Variants in NDRG4 observed in about 807,000 individuals in gnomAD.
The protein encoded by NDRG4 is protein NDRG4.
Under a neutral mutation model 55.8 loss-of-function variants are expected in NDRG4, and 38 were observed. The ratio of observed to expected loss-of-function variants is 0.68; its 90% CI spans 0.53 to 0.89. The LOEUF is 0.89. NDRG4 is among the 40% of genes least tolerant of loss of function. The pLI is 0.00. For missense variants in NDRG4, 455 were observed against 468.6 expected, an observed-to-expected ratio of 0.97 and a Z score of 0.27; for synonymous variants, 190 against 182.7, an observed-to-expected ratio of 1.04 and a Z score of -0.32.
chr16:58,508,370 G>A (rs1329344194), intron 10 of NDRG4, among the ~76,000 whole-genome samples: 1 of 152,152 alleles, frequency 6.6e-6, no homozygotes, highest in East Asian at 1.9e-4. Context: ...ACAGCGGCAC[G>A]GTCTCCCTTT....
At chr16:58,499,976 AAGG>A, upstream of NDRG4, 1 of 718,856 alleles carries the variant, frequency 1.4e-6, no homozygotes, top group South Asian at 1.9e-5. Context: ...GGGCTGGGGC[AAGG>A]AGGACTTCAG....
intron 1 of NDRG4, among the ~76,000 whole-genome samples, chr16:58,466,314 C>T (rs1239194825): frequency 3.9e-5 from 6 of 152,238 alleles, no homozygotes; most frequent in Middle Eastern, 3.2e-3. Flanking sequence ...CCGCACCCAG[C>T]CCCCACCATG....
rs1324984357 is a variant in NDRG4 at position 58,464,255 on chromosome 16, A to AG, written c.-24+464dup. 6.7e-5 allele frequency: 31 copies of AG among 460,974 alleles called. No individual in the cohort carries two copies. The South Asian group carries it at 1.9e-3, about 28-fold the overall frequency. The allele number at this position is 460,974 out of a possible 1,614,324, so 28.6% of individuals were successfully genotyped here. ...GGTGGATTTTTTTAAACCGTTTTGG[A>AG]GGGGGGAGCGCGGCGTTGGGGGCGG... On this transcript the variant is annotated intron_variant, in intron 1 of 15. Transcript: ENST00000258187. This position sits in a 1 kb window ranked among gnomAD's most constrained non-coding sequence, Gnocchi z 4.8.
chr16:58,506,374 CCT>C lies in NDRG4; in HGVS notation c.373-10_373-9del. ...CCTGGCCCCGCCCGGCCCTGTTTCCCCTCTTACTGCAGCTCATCTTCCCCGAC... is the reference window on the plus strand; with the variant it reads ...CCTGGCCCCGCCCGGCCCTGTTTCCCCTTACTGCAGCTCATCTTCCCCGAC... On this transcript the variant is annotated splice_polypyrimidine_tract_variant and intron_variant, in intron 5 of 14. Transcript: ENST00000570248. 2 of 1,613,652 alleles carry C rather than the reference CCT, an allele frequency of 1.2e-6. No homozygotes were observed. Among genetic ancestry groups the C allele is most frequent in the Non-Finnish European group, 8.5e-7 (1 of 1,179,806 alleles).
At chr16:58,507,434 C>G in intron 8 of NDRG4, 1 of 359,022 alleles carries the variant, frequency 2.8e-6, no homozygotes, top group Non-Finnish European at 5.1e-6. Context: ...CCCTCACTCA[C>G]GTGCCCTCCT....
chr16:58,477,104 C>T (rs1210830681), intron 1 of NDRG4, among the ~76,000 whole-genome samples: 7 of 150,740 alleles, frequency 4.6e-5, no homozygotes, highest in Non-Finnish European at 1.0e-4. Flanking sequence ...GTATAAATTC[C>T]AGATTCCATA....
At chr16:58,507,608 G>T in intron 8 of NDRG4, 200 bp from the exon 9 acceptor site, 1 of 585,826 alleles carries the variant, frequency 1.7e-6, no homozygotes, top group Non-Finnish European at 3.0e-6. Flanking sequence ...TGGCTCTGAG[G>T]GGGATAGAGA....
downstream of NDRG4, among the ~76,000 whole-genome samples, chr16:58,513,962 T>C (rs1364329320): frequency 2.0e-5 from 3 of 151,650 alleles, no homozygotes; most frequent in Non-Finnish European, 4.4e-5. Flanking sequence ...TGCCTCAAAA[T>C]AAAACAAAAA....
At chr16:58,470,748 A>T (rs1432535266) in intron 1 of NDRG4, among the ~76,000 whole-genome samples, 1 of 152,088 alleles carries the variant, frequency 6.6e-6, no homozygotes, top group African/African-American at 2.4e-5. Context: ...CTCTGCTAAA[A>T]ATACAAAAAT....
Position 58,464,958 on chromosome 16 carries a change from A to G in NDRG4, c.-24+1161A>G. On this transcript the variant is annotated intron_variant, in intron 1 of 15. Transcript: ENST00000258187. This position sits in a 1 kb window ranked among gnomAD's most constrained non-coding sequence, Gnocchi z 4.8. ...TGGGAAGCCAGATTGGACCCTACTG[A>G]CTGGGGACCCTCAGCCTTGGGGCTC... The G allele has an allele frequency of 8.4e-7, 1 of 1,192,362 alleles. No homozygotes were observed. Among genetic ancestry groups the G allele is most frequent in the African/African-American group, 1.6e-5 (1 of 62,698 alleles). 73.9% of individuals were successfully genotyped at this position (1,192,362 alleles called of 1,614,324 possible).
At chr16:58,473,729 C>T (rs2033197229) in intron 1 of NDRG4, among the ~76,000 whole-genome samples, 1 of 152,166 alleles carries the variant, frequency 6.6e-6, no homozygotes, top group Non-Finnish European at 1.5e-5. Flanking sequence ...TGCACTCCCG[C>T]TGTGTGGCAA....
intron 2 of NDRG4, chr16:58,494,955 T>C: frequency 6.2e-7 from 1 of 1,613,282 alleles, no homozygotes; most frequent in Non-Finnish European, 8.5e-7. Flanking sequence ...TCTGTTTGCC[T>C]TCCCCTAGGA....
chr16:58,502,049 C>A, intron 1 of NDRG4: 1 of 455,832 alleles, frequency 2.2e-6, no homozygotes, highest in South Asian at 1.5e-5. Context: ...TCGGGTGGAA[C>A]CTGATCTCCT....
chr16:58,466,395 G>A (rs1451973941), intron 1 of NDRG4, among the ~76,000 whole-genome samples: 1 of 152,194 alleles, frequency 6.6e-6, no homozygotes, highest in Middle Eastern at 3.2e-3. Context: ...TGCCCCCAAA[G>A]GGCCTGGATG....
chr16:58,508,888 G>A (rs2038400466), intron 10 of NDRG4, 74 bp from the exon 11 acceptor site: 1 of 1,549,652 alleles, frequency 6.5e-7, no homozygotes, highest in South Asian at 1.2e-5. Context: ...CCGAGCTTGG[G>A]GCATCAAACC....
intron 14 of NDRG4, chr16:58,510,976 C>G: frequency 1.8e-6 from 1 of 543,240 alleles, no homozygotes; most frequent in Non-Finnish European, 3.3e-6. Context: ...CTGGCCCTGC[C>G]TGAGCCACAT....
rs967560947 is a variant in NDRG4 at position 58,506,949 on chromosome 16, A to C, written c.554A>C (p.Tyr185Ser). 6.2e-7 allele frequency: 1 copy of C among 1,614,140 alleles called. No individual in the cohort carries two copies. The highest frequency in any genetic ancestry group is 1.7e-5 in the Admixed American group (1 of 60,022). ...AACAACACAGAGTTGGTGCAGAGCT[A>C]CCGGCAGCAGATTGGGAACGTGGTG... ...LVNNTELVQS[Y>S]RQQIGNVVNQ... is the part of the protein sequence containing the mutation. The change falls in exon 8 of 15, where the codon TAC becomes TCC. Residue 185 changes from tyrosine (Y) to serine (S), a missense_variant. By Grantham distance (144) the Tyr-to-Ser change is moderately radical (BLOSUM62 -2). Coordinates refer to ENST00000570248, the MANE Select transcript of NDRG4 (RefSeq NM_001242835.2).
In NDRG4 at chr16:58,489,172, C is replaced by T. The variant is rs1011810364; in HGVS notation, c.72+1322C>T. Among the ~76,000 whole-genome samples, 11 of 152,066 alleles carry T rather than the reference C, an allele frequency of 7.2e-5. 1 individual carries two copies. Among genetic ancestry groups the T allele is most frequent in the African/African-American group, 2.2e-4 (9 of 41,450 alleles). ...AAATTAGCCCGGGCGTGGTAGTGGGCGCCTGTAATCCCAGCTACTCAGGAG... is the reference window on the plus strand; with the variant it reads ...AAATTAGCCCGGGCGTGGTAGTGGGTGCCTGTAATCCCAGCTACTCAGGAG... On this transcript the variant is annotated intron_variant, in intron 2 of 15. Transcript: ENST00000258187.
chr16:58,507,061 G>T (rs1442216617), intron 8 of NDRG4, 46 bp downstream of exon 8: 1 of 1,486,284 alleles, frequency 6.7e-7, no homozygotes, highest in Non-Finnish European at 9.3e-7. Flanking sequence ...ACCCCAGTGG[G>T]GGCCCTTGCA....
Sources: allele counts gnomAD v4.1 joint callset (sites outside exome capture counted in the v4.1 genomes callset), GRCh38; gene constraint gnomAD v4.1.1; non-coding constraint Gnocchi (gnomAD v3.1); transcripts MANE v1.5; gene names NCBI Gene and HGNC (gene_info 2026-07-23, HGNC 2026-07-21).